The following GLB1 variants were observed in gnomAD, a reference collection of about 807,000 sequenced individuals.
The protein encoded by GLB1 is beta-galactosidase.
GLB1 carries 56 observed loss-of-function variants against 74.0 expected under a neutral mutation model. That is an observed-to-expected ratio of 0.76 (90% CI 0.61 to 0.94). The LOEUF (loss-of-function observed/expected upper bound fraction) is 0.94. Among genes scored for constraint, GLB1 ranks in the 40% least tolerant of loss-of-function variants. The pLI, the probability that GLB1 is intolerant of heterozygous loss-of-function variation, is 0.00. For synonymous variants in GLB1, 323 were observed against 323.6 expected (o/e 1.00, Z 0.02); for missense variants, 787 against 845.5 (o/e 0.93, Z 0.86).
At position 33,068,301 on chromosome 3, in the gene GLB1, G is replaced by T; in HGVS notation, c.397-11C>A. The T allele has an allele frequency of 6.2e-7, 1 of 1,613,188 alleles. No individual in the cohort carries two copies. The highest frequency in any genetic ancestry group is 8.5e-7 in the Non-Finnish European group (1 of 1,179,908). The stretch of plus-strand genomic sequence containing the variant: ...AGCAGGTAATCCTCCCTAGTTCAGG[G>T]AAAACAAGCCATTATAATGTCTGTT... On this transcript the variant is annotated splice_polypyrimidine_tract_variant and intron_variant, in intron 3 of 15. Coordinates refer to ENST00000307363, the MANE Select transcript of GLB1 (RefSeq NM_000404.4).
Position 33,093,005 on chromosome 3 carries a change from G to C in GLB1, c.75+4006C>G, listed in dbSNP as rs1209823226. On this transcript the variant is annotated intron_variant, in intron 1 of 15. Coordinates refer to ENST00000307363, the MANE Select transcript of GLB1 (RefSeq NM_000404.4). This position sits in a 1 kb window ranked among gnomAD's most constrained non-coding sequence, Gnocchi z 6.0. Reference sequence around the variant, plus strand: ...GATAGGCTGCTACGTTCAAGGGGAAGATCTGCCCAGCATGTGTGTGCCCAG... The same window carrying C: ...GATAGGCTGCTACGTTCAAGGGGAACATCTGCCCAGCATGTGTGTGCCCAG... 1.9e-6 allele frequency: 3 copies of C among 1,614,140 alleles called. No homozygotes were observed. The Admixed American group carries it at 5.0e-5, about 27-fold the overall frequency.
chr3:33,073,119 C>T (rs1332494781), intron 1 of GLB1, among the ~76,000 whole-genome samples: 1 of 152,088 alleles, frequency 6.6e-6, no homozygotes, highest in Non-Finnish European at 1.5e-5. Context: ...CTGGGATAAC[C>T]AAGACCCATT....
intron 1 of GLB1, chr3:33,090,824 A>G (rs777099902): frequency 1.3e-5 from 13 of 985,482 alleles, no homozygotes; most frequent in African/African-American, 1.7e-5. Flanking sequence ...TTCTGCTAAT[A>G]GAAAGCAATC....
rs1401467859 is a variant in GLB1 at position 33,058,148 on chromosome 3, T to G, written c.674A>C (p.Lys225Thr). 6.2e-7 allele frequency: 1 copy of G among 1,614,124 alleles called. No homozygotes were observed. ...CAGGGCCCCACATTTCAGGAATGTT[T>G]TATGTGCTCCATCAGTGGTAAACAG... ...VVLFTTDGAH[K>T]TFLKCGALQG... The change falls in exon 6 of 16, where the codon AAA becomes ACA. Residue 225 changes from lysine to threonine, a missense_variant. Physicochemically the swap from Lys to Thr is moderately conservative, Grantham distance 78. Transcript: ENST00000307363.
At chr3:33,045,481 G>T in intron 10 of GLB1, 1 of 988,584 alleles carries the variant, frequency 1.0e-6, no homozygotes, top group Admixed American at 5.8e-5. Context: ...TGTATATTGG[G>T]CCACACATAA....
At chr3:32,978,848 C>G in the GLB1 span, among the ~76,000 whole-genome samples, 1 of 149,512 alleles carries the variant, frequency 6.7e-6, no homozygotes, top group Non-Finnish European at 1.5e-5. Context: ...GCAACCCCCA[C>G]GTCTCGGTTC....
chr3:33,034,396 C>T (rs1047079367), intron 10 of GLB1: 1 of 753,868 alleles, frequency 1.3e-6, no homozygotes, highest in Non-Finnish European at 2.5e-6. Context: ...AACCCAATTA[C>T]ATCAAGAAGT....
chr3:32,999,175 A>G (rs1696440757), intron 15 of GLB1, among the ~76,000 whole-genome samples: 1 of 152,228 alleles, frequency 6.6e-6, no homozygotes, highest in African/African-American at 2.4e-5. Context: ...CGACAGTTTC[A>G]CAGTTCTCAG....
chr3:33,094,355 C>T, intron 1 of GLB1: 1 of 1,401,380 alleles, frequency 7.1e-7, no homozygotes, highest in Non-Finnish European at 9.3e-7. Context: ...TGTCCTTGTA[C>T]CCATTCAAAA....
intron 14 of GLB1, among the ~76,000 whole-genome samples, chr3:33,015,961 C>T (rs942296017): frequency 2.6e-5 from 4 of 152,078 alleles, no homozygotes; most frequent in Admixed American, 6.5e-5. Flanking sequence ...GGGCATCTCG[C>T]GGAGTGGGAG....
chr3:33,087,030 A>C (rs1700530152), intron 1 of GLB1, among the ~76,000 whole-genome samples: 1 of 152,064 alleles, frequency 6.6e-6, no homozygotes, highest in African/African-American at 2.4e-5. Flanking sequence ...AAAATTGAGA[A>C]ACTTAACTAG....
At chr3:33,091,192 G>T in intron 1 of GLB1, 1 of 985,364 alleles carries the variant, frequency 1.0e-6, no homozygotes, top group Non-Finnish European at 1.2e-6. Flanking sequence ...AGAGAAAAAA[G>T]AATAAGGAAA....
chr3:33,028,045 C>T (rs962875339), intron 10 of GLB1, among the ~76,000 whole-genome samples: 4 of 152,048 alleles, frequency 2.6e-5, no homozygotes, highest in African/African-American at 9.7e-5. Flanking sequence ...GGACTATAGG[C>T]ATGCACCACC....
At chr3:32,971,401 C>A in the GLB1 span, among the ~76,000 whole-genome samples, 1 of 152,286 alleles carries the variant, frequency 6.6e-6, no homozygotes, top group Middle Eastern at 3.4e-3. Context: ...TCAGCCAGTG[C>A]CCGAGCTTCC....
intron 1 of GLB1, among the ~76,000 whole-genome samples, chr3:33,088,404 C>G (rs937654576): frequency 6.6e-6 from 1 of 150,754 alleles, no homozygotes; most frequent in Non-Finnish European, 1.5e-5. Context: ...CACACACACA[C>G]ACACACAAAC....
chr3:33,041,877 C>T (rs185683386), intron 10 of GLB1, among the ~76,000 whole-genome samples: 1 of 152,094 alleles, frequency 6.6e-6, no homozygotes, highest in African/African-American at 2.4e-5. Flanking sequence ...ATTCATATAT[C>T]CACTGCCTAC....
intron 10 of GLB1, among the ~76,000 whole-genome samples, chr3:33,031,108 C>T (rs538463218): frequency 6.6e-6 from 1 of 152,208 alleles, no homozygotes; most frequent in African/African-American, 2.4e-5. Context: ...ATGCAGCCTG[C>T]TGGGAGATTA....
intron 1 of GLB1, chr3:33,091,976 G>A: frequency 1.0e-6 from 1 of 983,822 alleles, no homozygotes; most frequent in Non-Finnish European, 1.2e-6. Context: ...TACATATCTT[G>A]TCATACTGCC....
At chr3:33,055,683 G>A (rs1370987647) in intron 6 of GLB1, among the ~76,000 whole-genome samples, 1 of 151,056 alleles carries the variant, frequency 6.6e-6, no homozygotes, top group Non-Finnish European at 1.5e-5. Flanking sequence ...TGGCCAGGCT[G>A]GTCTCAAACT....
Sources: allele counts gnomAD v4.1 joint callset (sites outside exome capture counted in the v4.1 genomes callset), GRCh38; gene constraint gnomAD v4.1.1; non-coding constraint Gnocchi (gnomAD v3.1); transcripts MANE v1.5; gene names NCBI Gene and HGNC (gene_info 2026-07-23, HGNC 2026-07-21).